NIBAN1: variants seen among roughly 807,000 people sequenced by gnomAD.
NIBAN1 encodes the protein protein Niban 1.
Under a neutral mutation model 75.1 loss-of-function variants are expected in NIBAN1, and 81 were observed. The ratio of observed to expected loss-of-function variants is 1.08; its 90% CI spans 0.90 to 1.30. The LOEUF (loss-of-function observed/expected upper bound fraction) is 1.30, where lower values mean the gene tolerates loss of function less well. Among genes scored for constraint, NIBAN1 ranks in the 50% most tolerant of loss-of-function variants. The pLI, the probability that NIBAN1 is intolerant of heterozygous loss-of-function variation, is 0.00. For synonymous variants in NIBAN1, 436 were observed against 424.8 expected, an observed-to-expected ratio of 1.03 and a Z score of -0.32; for missense variants, 1,133 against 1,128.1, an observed-to-expected ratio of 1.00 and a Z score of -0.06.
intron 1 of NIBAN1, among the ~76,000 whole-genome samples, chr1:184,905,479 C>T (rs1216678755): frequency 1.3e-5 from 2 of 152,182 alleles, no homozygotes; most frequent in Non-Finnish European, 2.9e-5. Context: ...AGTAACCCCT[C>T]GTCCTAGTAC....
Position 184,795,562 on chromosome 1 carries a change from C to T in NIBAN1, c.2202G>A (p.Thr734=), listed in dbSNP as rs536032437. 19 of 1,614,176 alleles carry T rather than the reference C, an allele frequency of 1.2e-5. No homozygotes were observed. Among genetic ancestry groups the T allele is most frequent in the South Asian group, 5.5e-5 (5 of 91,088 alleles). ...CTTGGGGAACGTGGCTCTCCCCATT[C>T]GTATCTTCTTCCATCACTGGAGCAG... ...VDSAPVMEED[T]NGESHVPQEN... Residue 734 remains threonine (T), a synonymous_variant, in exon 14 of 14, where the codon ACG becomes ACA. Transcript: ENST00000367511.
chr1:184,843,620 C>T (rs960638071), intron 5 of NIBAN1, among the ~76,000 whole-genome samples: 2 of 152,142 alleles, frequency 1.3e-5, no homozygotes, highest in African/African-American at 4.8e-5. Flanking sequence ...ATGACACAAT[C>T]AATTATTTCC....
intron 6 of NIBAN1, among the ~76,000 whole-genome samples, chr1:184,827,954 T>G (rs912384913): frequency 2.2e-5 from 3 of 138,994 alleles, no homozygotes; most frequent in Non-Finnish European, 4.6e-5. Context: ...GGTAGTTTTG[T>G]TTTTTGTTTT....
chr1:184,952,363 T>C (rs1334762289), intron 1 of NIBAN1, among the ~76,000 whole-genome samples: 1 of 152,178 alleles, frequency 6.6e-6, no homozygotes. Flanking sequence ...ATCGCACCAC[T>C]ACACTCCAGC....
At chr1:184,934,951 T>C (rs1453163502) in intron 1 of NIBAN1, among the ~76,000 whole-genome samples, 1 of 152,136 alleles carries the variant, frequency 6.6e-6, no homozygotes, top group Non-Finnish European at 1.5e-5. Context: ...GCACCTGCAG[T>C]GCCAGCTACC....
At chr1:184,874,129 C>T (rs929206759) in intron 5 of NIBAN1, among the ~76,000 whole-genome samples, 2 of 151,400 alleles carry the variant, frequency 1.3e-5, no homozygotes, top group Non-Finnish European at 2.9e-5. Flanking sequence ...AGGATACCCA[C>T]TAACAAAATA....
At chr1:184,932,479 G>A (rs746440047) in intron 1 of NIBAN1, among the ~76,000 whole-genome samples, 4 of 152,100 alleles carry the variant, frequency 2.6e-5, no homozygotes, top group Admixed American at 6.5e-5. Flanking sequence ...TAATGCTGCC[G>A]CTGACCTGAC....
chr1:184,794,847 C>G lies in NIBAN1; in HGVS notation c.*130G>C, dbSNP rs770271251. On this transcript the variant is annotated 3_prime_UTR_variant, in exon 14 of 14. Transcript: ENST00000367511. The stretch of plus-strand genomic sequence containing the variant: ...GTTGCTCATGCCCTGTATGCATTTC[C>G]TCTGGTTTTATTATTCAAATTAAGA... 1.6e-6 allele frequency: 2 copies of G among 1,235,230 alleles called. No individual in the cohort carries two copies. Among genetic ancestry groups the G allele is most frequent in the African/African-American group, 3.0e-5 (2 of 67,008 alleles). 76.5% of individuals were successfully genotyped at this position (1,235,230 alleles called of 1,614,324 possible).
chr1:184,864,323 T>A (rs1375972837), intron 5 of NIBAN1, among the ~76,000 whole-genome samples: 2 of 138,788 alleles, frequency 1.4e-5, no homozygotes, highest in Admixed American at 7.3e-5. Context: ...TAATTGGCAA[T>A]CATACTTCTG....
intron 5 of NIBAN1, among the ~76,000 whole-genome samples, chr1:184,875,303 GT>G (rs1263975994): frequency 2.0e-5 from 3 of 152,126 alleles, no homozygotes; most frequent in African/African-American, 7.2e-5. Flanking sequence ...ATCTCTCATA[GT>G]TTTTATGGGT....
intron 1 of NIBAN1, among the ~76,000 whole-genome samples, chr1:184,960,265 CCCT>C (rs1187211786): frequency 6.6e-6 from 1 of 151,716 alleles, no homozygotes; most frequent in African/African-American, 2.4e-5. Context: ...ATGCAAGATC[CCCT>C]CAACTTTATT....
intron 12 of NIBAN1, 49 bp from the exon 13 acceptor site, chr1:184,798,239 T>C: frequency 8.2e-7 from 1 of 1,223,970 alleles, no homozygotes; most frequent in Non-Finnish European, 1.2e-6. Context: ...ATGAGATGCC[T>C]GTTCTTAGAG....
intron 1 of NIBAN1, 65 bp downstream of exon 1, chr1:184,974,221 GCCCCTTGGGGCCCCGA>G: frequency 7.4e-7 from 1 of 1,353,678 alleles, no homozygotes; most frequent in Non-Finnish European, 9.5e-7. Context: ...CCCGGGGCGC[GCCCCTTGGGGCCCCGA>G]CCGCGGCAGC....
rs577843832 is a variant in NIBAN1, at chr1:184,856,545, T to C, written c.602-24583A>G. Reference sequence around the variant, plus strand: ...AAGCTGGAAAAAAGGTGATAACTAATTGATGCAGAAATGAGAAAATCATAA... The same window carrying C: ...AAGCTGGAAAAAAGGTGATAACTAACTGATGCAGAAATGAGAAAATCATAA... On this transcript the variant is annotated intron_variant, in intron 5 of 13. Coordinates refer to ENST00000367511, the MANE Select transcript of NIBAN1 (RefSeq NM_052966.4). Among the ~76,000 whole-genome samples the C allele has an allele frequency of 3.3e-5, 5 of 152,320 alleles. No individual in the cohort carries two copies. The East Asian group carries it at 7.7e-4, about 23-fold the overall frequency.
intron 1 of NIBAN1, among the ~76,000 whole-genome samples, chr1:184,922,936 T>A (rs1657597936): frequency 6.6e-6 from 1 of 152,190 alleles, no homozygotes; most frequent in Non-Finnish European, 1.5e-5. Context: ...TATAGAGTTG[T>A]TTAAGCTTCT....
intron 1 of NIBAN1, among the ~76,000 whole-genome samples, chr1:184,969,992 C>T (rs1658895025): frequency 6.6e-6 from 1 of 151,576 alleles, no homozygotes; most frequent in Admixed American, 6.6e-5. Flanking sequence ...ATGGCGAAAC[C>T]CCGTCTCTAC....
chr1:184,881,121 A>C (rs950671929), intron 5 of NIBAN1, among the ~76,000 whole-genome samples: 1 of 152,092 alleles, frequency 6.6e-6, no homozygotes, highest in Non-Finnish European at 1.5e-5. Flanking sequence ...ACACACACAC[A>C]CACACAACCT....
intron 13 of NIBAN1, 73 bp downstream of exon 13, chr1:184,798,006 G>T: frequency 2.3e-6 from 2 of 852,260 alleles, no homozygotes; most frequent in Non-Finnish European, 3.7e-6. Context: ...TCCCTGACTG[G>T]CCTTACAGAG....
At chr1:184,908,086 G>T (rs912988992) in intron 1 of NIBAN1, among the ~76,000 whole-genome samples, 4 of 152,146 alleles carry the variant, frequency 2.6e-5, no homozygotes, top group African/African-American at 7.2e-5. Context: ...ATAAAGCATC[G>T]TTTCCTGCTT....
Sources: allele counts gnomAD v4.1 joint callset (sites outside exome capture counted in the v4.1 genomes callset), GRCh38; gene constraint gnomAD v4.1.1; transcripts MANE v1.5; gene names NCBI Gene and HGNC (gene_info 2026-07-23, HGNC 2026-07-21).